Variants in LRRC1 observed in about 807,000 individuals in gnomAD.
LRRC1 encodes the protein leucine rich repeat containing 1, also known as leucine-rich repeat-containing protein 1.
LRRC1 carries 28 observed loss-of-function variants against 69.9 expected under a neutral mutation model. The observed-to-expected ratio is 0.40, with a 90% CI of 0.30 to 0.55. The LOEUF (loss-of-function observed/expected upper bound fraction) is 0.55. Among genes scored for constraint, LRRC1 ranks in the 20% least tolerant of loss-of-function variants. The pLI is 0.47. For missense variants in LRRC1, 498 were observed against 609.0 expected (o/e 0.82, Z 1.92); for synonymous variants, 236 against 240.2 (o/e 0.98, Z 0.16).
intron 2 of LRRC1, among the ~76,000 whole-genome samples, chr6:53,848,754 C>G (rs1256975570): frequency 7.6e-6 from 1 of 131,232 alleles, no homozygotes; most frequent in African/African-American, 2.8e-5. Context: ...AACTTTTTTT[C>G]TTTTACTCTT....
chr6:53,908,964 G>A (rs887665006), intron 10 of LRRC1, among the ~76,000 whole-genome samples: 3 of 152,142 alleles, frequency 2.0e-5, no homozygotes, highest in Non-Finnish European at 2.9e-5. Context: ...ATATTATCAT[G>A]TAAATATAAA....
intron 2 of LRRC1, among the ~76,000 whole-genome samples, chr6:53,877,000 C>G (rs1175417191): frequency 6.6e-6 from 1 of 152,254 alleles, no homozygotes; most frequent in Non-Finnish European, 1.5e-5. Flanking sequence ...ACTGCCCTAG[C>G]AGAGGTTTCC....
chr6:53,847,500 C>T (rs1765985168), intron 2 of LRRC1, among the ~76,000 whole-genome samples: 3 of 152,206 alleles, frequency 2.0e-5, no homozygotes, highest in Admixed American at 6.5e-5. Context: ...CCAGAGACTG[C>T]ATACCTTCAC....
chr6:53,805,378 C>T (rs1447341284), intron 1 of LRRC1, among the ~76,000 whole-genome samples: 1 of 152,104 alleles, frequency 6.6e-6, no homozygotes, highest in African/African-American at 2.4e-5. Flanking sequence ...TGACTCGGTT[C>T]TCTTTCTGGA....
chr6:53,826,859 G>A (rs62397075), intron 1 of LRRC1, among the ~76,000 whole-genome samples: 1 of 150,818 alleles, frequency 6.6e-6, no homozygotes, highest in East Asian at 1.9e-4. Context: ...TTCCTCCCCC[G>A]ATTAGTTTCC....
intron 10 of LRRC1, among the ~76,000 whole-genome samples, chr6:53,911,028 G>A (rs1256459676): frequency 6.6e-6 from 1 of 152,254 alleles, no homozygotes; most frequent in East Asian, 1.9e-4. Flanking sequence ...AACAACATGT[G>A]CTCTTTGTTG....
At chr6:53,873,152 G>T (rs1247717834) in intron 2 of LRRC1, among the ~76,000 whole-genome samples, 1 of 151,798 alleles carries the variant, frequency 6.6e-6, no homozygotes, top group Non-Finnish European at 1.5e-5. Context: ...AGTTTTCATT[G>T]TAGAGATTTT....
intron 2 of LRRC1, among the ~76,000 whole-genome samples, chr6:53,847,440 A>ATTTAT (rs1182632574): frequency 2.0e-5 from 3 of 152,210 alleles, no homozygotes; most frequent in African/African-American, 7.2e-5. Flanking sequence ...GAGTTCATGA[A>ATTTAT]TTTATTTCTC....
chr6:53,818,249 T>G (rs914870012), intron 1 of LRRC1, among the ~76,000 whole-genome samples: 7 of 152,220 alleles, frequency 4.6e-5, no homozygotes, highest in African/African-American at 1.7e-4. Context: ...TACGGCTTTT[T>G]TGGAAGTCAT....
chr6:53,871,840 G>A (rs546919224), intron 2 of LRRC1, among the ~76,000 whole-genome samples: 16 of 152,154 alleles, frequency 1.1e-4, no homozygotes, highest in African/African-American at 3.6e-4. Flanking sequence ...GCTAATTTTT[G>A]TATTTTTAGT....
chr6:53,874,563 A>G (rs911896958), intron 2 of LRRC1, among the ~76,000 whole-genome samples: 1 of 152,186 alleles, frequency 6.6e-6, no homozygotes, highest in Non-Finnish European at 1.5e-5. Context: ...AATGTTTTAC[A>G]CTTTTAAATT....
intron 3 of LRRC1, among the ~76,000 whole-genome samples, chr6:53,881,769 T>C (rs1052261646): frequency 1.3e-5 from 2 of 152,228 alleles, no homozygotes; most frequent in African/African-American, 4.8e-5. Context: ...TACTTAAATG[T>C]TCTGTTGTCT....
At chr6:53,844,217 T>G (rs1247177616) in intron 2 of LRRC1, among the ~76,000 whole-genome samples, 1 of 150,564 alleles carries the variant, frequency 6.6e-6, no homozygotes, top group Non-Finnish European at 1.5e-5. Context: ...ACCTAAGTTA[T>G]AAAGAATGAC....
intron 1 of LRRC1, among the ~76,000 whole-genome samples, chr6:53,803,888 G>A (rs916459635): frequency 2.0e-5 from 3 of 152,078 alleles, no homozygotes; most frequent in South Asian, 2.1e-4. Context: ...CTTTCTTTCC[G>A]CAGTCCACCC....
chr6:53,900,133 G>A (rs1768011945), intron 8 of LRRC1, among the ~76,000 whole-genome samples: 1 of 143,282 alleles, frequency 7.0e-6, no homozygotes, highest in South Asian at 2.3e-4. Context: ...CGCCTCCTGG[G>A]TTCACACCAT....
At chr6:53,862,339 A>G (rs1357615361) in intron 2 of LRRC1, among the ~76,000 whole-genome samples, 2 of 151,094 alleles carry the variant, frequency 1.3e-5, no homozygotes, top group East Asian at 1.9e-4. Context: ...GTTTATGTAT[A>G]TAGTTTTGGA....
Position 53,795,010 on chromosome 6 carries a change from CG to C in LRRC1, c.-245del. On this transcript the variant is annotated 5_prime_UTR_variant, in exon 1 of 14. Transcript: ENST00000370888. ...CTCCGCGCGGCGGCGGGGGCGGCGA[CG>C]GCGACTGGCGGGTGGGAGTGGAGGC... 1 of 330,598 alleles carries C rather than the reference CG, an allele frequency of 3.0e-6. No individual in the cohort carries two copies. The highest frequency in any genetic ancestry group is 5.5e-6 in the Non-Finnish European group (1 of 182,586). 20.5% of individuals were successfully genotyped at this position (330,598 alleles called of 1,614,324 possible). A position where few individuals can be genotyped will look rare whatever the true frequency, so the allele number is the denominator to read the frequency against.
rs1307681386 is a variant in LRRC1, at chr6:53,919,486, A to AT, written c.1107-12_1107-11insT. 1 of 1,497,772 alleles carries AT rather than the reference A, an allele frequency of 6.7e-7. No homozygotes were observed. The highest frequency in any genetic ancestry group is 1.4e-5 in the African/African-American group (1 of 69,484). The allele number at this position is 1,497,772 out of a possible 1,614,324, so 92.8% of individuals were successfully genotyped here. On this transcript the variant is annotated splice_polypyrimidine_tract_variant and intron_variant, in intron 11 of 13. Coordinates refer to ENST00000370888, the MANE Select transcript of LRRC1 (RefSeq NM_018214.5). ...GTGATGTCTCTTTTTTTAAAAAAAA[A>AT]AAAAAAAACAGGTTGCTGCATCTAC...
intron 2 of LRRC1, among the ~76,000 whole-genome samples, chr6:53,859,872 GTC>G: frequency 6.6e-6 from 1 of 152,320 alleles, no homozygotes; most frequent in East Asian, 1.9e-4. Context: ...AGGGAACACT[GTC>G]TGTCTGTGGT....
Sources: gnomAD v4.1 joint callset for allele counts (sites outside exome capture counted in the v4.1 genomes callset) on GRCh38, gnomAD v4.1.1 for gene constraint, MANE v1.5 for transcripts, NCBI Gene and HGNC (gene_info 2026-07-23, HGNC 2026-07-21) for gene names.